The following SLC8A2 variants were observed in gnomAD, a reference collection of about 807,000 sequenced individuals.
The protein encoded by SLC8A2 is sodium/calcium exchanger 2.
Under a neutral mutation model 70.2 loss-of-function variants are expected in SLC8A2, and 14 were observed. The ratio of observed to expected loss-of-function variants is 0.20; its 90% CI spans 0.13 to 0.31. SLC8A2 has a LOEUF of 0.31. Among genes scored for constraint, SLC8A2 ranks in the 10% least tolerant of loss-of-function variants. SLC8A2 has a pLI of 1.00. For missense variants in SLC8A2, 779 were observed against 1,320.1 expected, an observed-to-expected ratio of 0.59 and a Z score of 6.35; for synonymous variants, 575 against 594.3, an observed-to-expected ratio of 0.97 and a Z score of 0.47.
At chr19:47,441,869 C>T (rs1211168293) in intron 4 of SLC8A2, among the ~76,000 whole-genome samples, 2 of 152,116 alleles carry the variant, frequency 1.3e-5, no homozygotes, top group African/African-American at 2.4e-5. Context: ...TTTGGGAGGC[C>T]GAGGCGGGCG....
At chr19:47,455,118 G>A (rs1967288807) in intron 3 of SLC8A2, among the ~76,000 whole-genome samples, 1 of 151,868 alleles carries the variant, frequency 6.6e-6, no homozygotes, top group Non-Finnish European at 1.5e-5. Flanking sequence ...AGAGGAGAGA[G>A]TAGAGGAGAG....
chr19:47,443,675 C>T (rs1967125815), intron 4 of SLC8A2, among the ~76,000 whole-genome samples: 1 of 152,246 alleles, frequency 6.6e-6, no homozygotes, highest in Non-Finnish European at 1.5e-5. Context: ...GACGCTCCTA[C>T]CTTATATCTA....
chr19:47,460,234 C>T (rs1314035754), intron 2 of SLC8A2, among the ~76,000 whole-genome samples: 1 of 152,208 alleles, frequency 6.6e-6, no homozygotes, highest in Admixed American at 6.5e-5. Context: ...AACCAGTTCC[C>T]ATGCACAGCC....
intron 4 of SLC8A2, among the ~76,000 whole-genome samples, chr19:47,441,879 G>A (rs1187909899): frequency 7.2e-5 from 11 of 152,154 alleles, no homozygotes; most frequent in Non-Finnish European, 1.0e-4. Flanking sequence ...CGAGGCGGGC[G>A]GATCACGAGG....
intron 4 of SLC8A2, among the ~76,000 whole-genome samples, chr19:47,443,347 C>T (rs761968002): frequency 6.6e-5 from 10 of 151,980 alleles, no homozygotes; most frequent in Non-Finnish European, 1.2e-4. Context: ...ACATAATCCA[C>T]ACCCCTCGAC....
At chr19:47,436,232 C>G (rs566598030) in intron 8 of SLC8A2, among the ~76,000 whole-genome samples, 2 of 152,316 alleles carry the variant, frequency 1.3e-5, no homozygotes, top group Admixed American at 1.3e-4. Context: ...CCCTCCCTGA[C>G]TTTCAGGCTG....
Position 47,430,053 on chromosome 19 carries a change from C to T in SLC8A2, c.*36G>A, listed in dbSNP as rs749950952. ...GCAGGTGCAGCCGAGTCCCTAGCCCCGGGCGGGCGGTGGGGACGAGTCTCT... is the reference window on the plus strand; with the variant it reads ...GCAGGTGCAGCCGAGTCCCTAGCCCTGGGCGGGCGGTGGGGACGAGTCTCT... On this transcript the variant is annotated 3_prime_UTR_variant, in exon 10 of 10. Coordinates refer to ENST00000236877, the MANE Select transcript of SLC8A2 (RefSeq NM_015063.3). This position sits in a 1 kb window ranked among gnomAD's most constrained non-coding sequence, Gnocchi z 5.9. 1.3e-6 allele frequency: 2 copies of T among 1,548,410 alleles called. No homozygotes were observed. The highest frequency in any genetic ancestry group is 1.7e-4 in the Middle Eastern group (1 of 5,908).
rs1360495933 is a variant in SLC8A2 at position 47,447,171 on chromosome 19, G to A, written c.1763+638C>T. ...GGCCCCACCCATCTTGTTAGGCCCC[G>A]CCTTCTTCCGCAGCCCACATCCATT... is the stretch of plus-strand genomic sequence containing the variant. On this transcript the variant is annotated intron_variant, in intron 4 of 9. Transcript: ENST00000236877. The surrounding 1 kb of genome is among the most constrained non-coding windows in gnomAD (Gnocchi z 5.1). Among the ~76,000 whole-genome samples the A allele has an allele frequency of 6.9e-6, 1 of 143,982 alleles. No individual in the cohort carries two copies. Among genetic ancestry groups the A allele is most frequent in the Non-Finnish European group, 1.5e-5 (1 of 66,508 alleles). 94.5% of individuals were successfully genotyped at this position (143,982 alleles called of 152,430 possible).
Position 47,447,839 on chromosome 19 carries a change from C to A in SLC8A2, c.1733G>T (p.Gly578Val). 6.3e-7 allele frequency: 1 copy of A among 1,594,682 alleles called. No homozygotes were observed. Among genetic ancestry groups the A allele is most frequent in the East Asian group, 2.3e-5 (1 of 43,854 alleles). ...GGGVHYEDACGELEFGDDETM... is the reference protein window; with the variant it reads ...GGGVHYEDACVELEFGDDETM... ...CTCGTCGTCGCCAAACTCCAGCTCT[C>A]CGCACGCGTCCTCGTAGTGCACGCC... The change falls in exon 4 of 10, where the codon GGA (glycine) becomes GTA (valine). Residue 578 changes from glycine to valine, a missense_variant. Around this residue, in one of 6 missense-constraint regions of SLC8A2, gnomAD observed 247 missense variants for 362.8 expected, o/e 0.68. Coordinates refer to ENST00000236877, the MANE Select transcript of SLC8A2 (RefSeq NM_015063.3). The surrounding 1 kb of genome is among the most constrained non-coding windows in gnomAD (Gnocchi z 5.1).
intron 2 of SLC8A2, 56 bp from the exon 3 acceptor site, chr19:47,457,650 C>T (rs896951907): frequency 2.5e-4 from 309 of 1,223,312 alleles, no homozygotes; most frequent in Non-Finnish European, 3.3e-4. Flanking sequence ...CCCTCCCCGC[C>T]TCTCTGTCTC....
intron 8 of SLC8A2, among the ~76,000 whole-genome samples, 177 bp downstream of exon 8, chr19:47,437,285 A>G (rs1967041869): frequency 6.7e-6 from 1 of 148,542 alleles, no homozygotes; most frequent in Admixed American, 6.7e-5. Context: ...GCAGCCTCAA[A>G]CTCCTGGCCT....
chr19:47,449,843 G>A (rs374445249), intron 3 of SLC8A2, among the ~76,000 whole-genome samples: 1 of 151,918 alleles, frequency 6.6e-6, no homozygotes, highest in East Asian at 1.9e-4. Flanking sequence ...GGTGGGCCAC[G>A]GTGAAGACTT....
Position 47,466,371 on chromosome 19 carries a change from G to T in SLC8A2, c.33C>A (p.Leu11=). MAPLALVGVT[L]LLAAPPCSGA... ...CGGAGCATGGGGGAGCCGCCAGGAG[G>T]AGTGTGACCCCCACCAAGGCCAGGG... The change falls in exon 2 of 10, where the codon CTC becomes CTA. Residue 11 remains leucine (L), a synonymous_variant. Transcript: ENST00000236877. This position sits in a 1 kb window ranked among gnomAD's most constrained non-coding sequence, Gnocchi z 6.9. 2 of 1,439,534 alleles carry T rather than the reference G, an allele frequency of 1.4e-6. No homozygotes were observed. Among genetic ancestry groups the T allele is most frequent in the Non-Finnish European group, 1.8e-6 (2 of 1,097,718 alleles). The allele number at this position is 1,439,534 out of a possible 1,614,324, so 89.2% of individuals were successfully genotyped here.
intron 9 of SLC8A2, among the ~76,000 whole-genome samples, chr19:47,431,229 A>C (rs1966953999): frequency 6.6e-6 from 1 of 151,360 alleles, no homozygotes; most frequent in Non-Finnish European, 1.5e-5. Flanking sequence ...GGGTTTCACC[A>C]TGTTGCCCAG....
chr19:47,438,015 C>T (rs1347654970), intron 6 of SLC8A2, 42 bp from the exon 7 acceptor site: 1 of 1,611,842 alleles, frequency 6.2e-7, no homozygotes, highest in South Asian at 1.1e-5. Flanking sequence ...GGGAGACCTA[C>T]CTAATTGGGC....
intron 8 of SLC8A2, among the ~76,000 whole-genome samples, chr19:47,436,131 G>A (rs375080150): frequency 3.9e-5 from 6 of 152,042 alleles, no homozygotes; most frequent in African/African-American, 1.4e-4. Context: ...CTCTCCCTCT[G>A]CCTGAAACAC....
intron 6 of SLC8A2, among the ~76,000 whole-genome samples, chr19:47,439,644 C>CCTTCCTTCCTTCCTTCCTTCCTT (rs1967075914): frequency 1.6e-5 from 1 of 62,452 alleles, no homozygotes; most frequent in African/African-American, 1.2e-4. Context: ...CTTCCTTCCT[C>CCTTCCTTCCTTCCTTCCTTCCTT]CCCTCCCTCC....
At chr19:47,453,380 C>T (rs1967267511) in intron 3 of SLC8A2, among the ~76,000 whole-genome samples, 1 of 152,230 alleles carries the variant, frequency 6.6e-6, no homozygotes, top group Non-Finnish European at 1.5e-5. Context: ...GCAGACCTGC[C>T]TGCTCAGACT....
chr19:47,438,597 C>A (rs1356269928), intron 6 of SLC8A2, among the ~76,000 whole-genome samples: 2 of 152,040 alleles, frequency 1.3e-5, no homozygotes, highest in African/African-American at 4.8e-5. Flanking sequence ...TGACCCCTGA[C>A]TCCAAGCCCA....
Sources: gnomAD v4.1 joint callset for allele counts (sites outside exome capture counted in the v4.1 genomes callset) on GRCh38, gnomAD v4.1.1 for gene constraint, gnomAD v4.1.1 regional missense constraint, Gnocchi (gnomAD v3.1) non-coding constraint, MANE v1.5 for transcripts, NCBI Gene and HGNC (gene_info 2026-07-23, HGNC 2026-07-21) for gene names.